Variants in PTPRB observed in about 807,000 individuals in gnomAD.
PTPRB encodes receptor-type tyrosine-protein phosphatase beta.
In PTPRB, 97 loss-of-function variants were observed where a neutral mutation model predicts 238.1. The ratio of observed to expected loss-of-function variants is 0.41; its 90% confidence interval spans 0.35 to 0.48. PTPRB has a LOEUF of 0.48. Ranked by LOEUF, PTPRB falls within the 20% of genes least tolerant of loss-of-function variation. PTPRB has a pLI of 0.30. For synonymous variants in PTPRB, 970 were observed against 995.4 expected, an observed-to-expected ratio of 0.97 and a Z score of 0.48; for missense variants, 2,292 against 2,681.9, an observed-to-expected ratio of 0.85 and a Z score of 3.21.
chr12:70,561,828 A>T (rs900700863), intron 16 of PTPRB, among the ~76,000 whole-genome samples: 6 of 152,028 alleles, frequency 3.9e-5, no homozygotes, highest in Admixed American at 6.5e-5. Flanking sequence ...CCCTTTGATG[A>T]TCTGTCCTTG....
At chr12:70,571,397 A>G in intron 12 of PTPRB, 108 bp from the exon 13 acceptor site, 1 of 1,093,452 alleles carries the variant, frequency 9.1e-7, no homozygotes. Context: ...CCCTTCCCCA[A>G]ATAAACCACT....
Position 70,516,860 on chromosome 12 carries a change from A to G in PTPRB, c.*4629T>C, listed in dbSNP as rs1871231774. On this transcript the variant is annotated 3_prime_UTR_variant, in exon 34 of 34. Transcript: ENST00000334414. ...TTACATAAGCCTCTATTTTCAGAGC[A>G]TTCACCAACAATTTCTTTATTTAAT... is the stretch of plus-strand genomic sequence containing the variant. The G allele has an allele frequency of 6.6e-6, 1 of 152,226 alleles. No individual in the cohort carries two copies. Among genetic ancestry groups the G allele is most frequent in the Non-Finnish European group, 1.5e-5 (1 of 68,044 alleles). The allele number at this position is 152,226 out of a possible 1,614,324, so 9.4% of individuals were successfully genotyped here.
chr12:70,577,710 T>G (rs997424699), intron 10 of PTPRB, among the ~76,000 whole-genome samples: 1 of 152,212 alleles, frequency 6.6e-6, no homozygotes, highest in African/African-American at 2.4e-5. Flanking sequence ...GTTCGGACTT[T>G]GTGAATTAAG....
intron 33 of PTPRB, among the ~76,000 whole-genome samples, chr12:70,522,847 CTTTTG>C (rs1324142068): frequency 7.3e-6 from 1 of 137,392 alleles, no homozygotes; most frequent in Admixed American, 7.2e-5. Flanking sequence ...AAATAGCATT[CTTTTG>C]TTTGTTTTTT....
rs1884937953 is a variant in PTPRB, at chr12:70,621,611, A to G, written c.708+779T>C. Among the ~76,000 whole-genome samples the G allele has an allele frequency of 3.9e-5, 6 of 152,242 alleles. No individual in the cohort carries two copies. In the South Asian group the frequency reaches 1.2e-3, roughly 32 times the overall value. ...GCTCACCAGCCAGGAACCATATGCA[A>G]TGTGAAATTCTGCACAATGCAAAAG... On this transcript the variant is annotated intron_variant, in intron 3 of 33. Transcript: ENST00000334414.
chr12:70,547,459 T>TGAG (rs970967310), intron 21 of PTPRB, among the ~76,000 whole-genome samples: 3 of 152,206 alleles, frequency 2.0e-5, no homozygotes, highest in African/African-American at 7.2e-5. Flanking sequence ...GTCTCTCTGA[T>TGAG]AAGAGTTTCT....
In PTPRB at chr12:70,609,358, C is replaced by T. The variant is rs1193088505; in HGVS notation, c.709-19G>A. On this transcript the variant is annotated intron_variant, in intron 3 of 33. Transcript: ENST00000334414. ...GTCCAGTCTGCAAAGGAATCAGACA[C>T]AACAGTTTAAGTCCACAGTCTGGAC... 1.2e-6 allele frequency: 2 copies of T among 1,610,812 alleles called. No individual in the cohort carries two copies. The highest frequency in any genetic ancestry group is 2.2e-5 in the East Asian group (1 of 44,846).
In PTPRB at chr12:70,571,273, C is replaced by A. The variant is rs1880020697; in HGVS notation, c.3123G>T (p.Lys1041Asn). ...TGCTCCTGTTGCGCAATGTTAGATC[C>A]TTAACAGGCTCTGGAACTAGGGAGA... ...GNGRTIPEPV[K>N]DLTLRNRSTE... Residue 1041 changes from lysine to asparagine, a missense_variant, in exon 13 of 34, where the codon AAG (lysine) becomes AAT (asparagine). Transcript: ENST00000334414. The A allele has an allele frequency of 6.2e-7, 1 of 1,603,042 alleles. No individual in the cohort carries two copies. Among genetic ancestry groups the A allele is most frequent in the African/African-American group, 1.3e-5 (1 of 74,642 alleles).
intron 29 of PTPRB, among the ~76,000 whole-genome samples, chr12:70,535,474 A>AAGAGG (rs1461892313): frequency 1.3e-5 from 2 of 152,056 alleles, no homozygotes; most frequent in Non-Finnish European, 2.9e-5. Flanking sequence ...AGACAAGGGG[A>AAGAGG]AGAGGAATGT....
At chr12:70,551,808 A>G (rs924667589) in intron 21 of PTPRB, among the ~76,000 whole-genome samples, 1 of 152,058 alleles carries the variant, frequency 6.6e-6, no homozygotes, top group Non-Finnish European at 1.5e-5. Flanking sequence ...GGGATGCTAT[A>G]TACTTCTGCT....
At chr12:70,569,602 G>T in intron 14 of PTPRB, 73 bp downstream of exon 14, 2 of 1,555,398 alleles carry the variant, frequency 1.3e-6, no homozygotes, top group Non-Finnish European at 1.8e-6. Context: ...GAATAGCTGA[G>T]CCCGTTCACT....
chr12:70,576,679 G>GCT, intron 10 of PTPRB, 34 bp from the exon 11 acceptor site: 1 of 221,762 alleles, frequency 4.5e-6, no homozygotes, highest in Non-Finnish European at 8.2e-6. Context: ...CGGGGGGGGG[G>GCT]GGGAAGGGGG....
intron 1 of PTPRB, among the ~76,000 whole-genome samples, chr12:70,637,051 T>G (rs1885733214): frequency 6.6e-6 from 1 of 152,202 alleles, no homozygotes; most frequent in Non-Finnish European, 1.5e-5. Context: ...GACTGTTATA[T>G]AATAATACAA....
intron 10 of PTPRB, among the ~76,000 whole-genome samples, chr12:70,578,686 A>AAGT (rs1392395738): frequency 1.3e-5 from 2 of 152,192 alleles, no homozygotes; most frequent in Non-Finnish European, 2.9e-5. Flanking sequence ...CACTTACTTA[A>AAGT]AGTACACAGT....
chr12:70,625,018 T>C (rs1885110440), intron 2 of PTPRB, among the ~76,000 whole-genome samples: 1 of 152,180 alleles, frequency 6.6e-6, no homozygotes, highest in Admixed American at 6.5e-5. Flanking sequence ...TGGAAAAAAT[T>C]TCAGTCTTAT....
At chr12:70,600,513 G>A (rs1565998901) in intron 4 of PTPRB, among the ~76,000 whole-genome samples, 1 of 152,190 alleles carries the variant, frequency 6.6e-6, no homozygotes, top group Non-Finnish European at 1.5e-5. Context: ...ATGTTGGTTT[G>A]CTACTGTAGC....
chr12:70,595,323 T>A (rs190109912), intron 5 of PTPRB, among the ~76,000 whole-genome samples: 2 of 151,998 alleles, frequency 1.3e-5, no homozygotes, highest in African/African-American at 4.8e-5. Context: ...AAGGAAGGGA[T>A]AGCATTAGGA....
At chr12:70,566,358 C>G in intron 15 of PTPRB, 77 bp downstream of exon 15, 7 of 1,500,124 alleles carry the variant, frequency 4.7e-6, no homozygotes, top group Non-Finnish European at 6.3e-6. Flanking sequence ...GTTGCTTCAT[C>G]CCTCTCACCC....
In PTPRB at chr12:70,576,556, C is replaced by T. The variant is rs1427524770; in HGVS notation, c.2668G>A (p.Asp890Asn). Reference sequence around the variant, plus strand: ...TGAGACAATGTTACCTCATAGTTATCCACATCTCCGGGCGCCAGCAGCCAG... The same window carrying T: ...TGAGACAATGTTACCTCATAGTTATTCACATCTCCGGGCGCCAGCAGCCAG... ...VSWLLAPGDV[D>N]NYEVTLSHDG... The change falls in exon 11 of 34, where the codon GAT (aspartate) becomes AAT (asparagine). Residue 890 changes from aspartate (D) to asparagine (N), a missense_variant. By Grantham distance (23) the Asp-to-Asn change is conservative. Transcript: ENST00000334414. The T allele has an allele frequency of 6.4e-7, 1 of 1,554,892 alleles. No homozygotes were observed. Among genetic ancestry groups the T allele is most frequent in the Non-Finnish European group, 8.7e-7 (1 of 1,148,608 alleles).
Sources: allele counts gnomAD v4.1 joint callset (sites outside exome capture counted in the v4.1 genomes callset), GRCh38; gene constraint gnomAD v4.1.1; transcripts MANE v1.5; gene names NCBI Gene and HGNC (gene_info 2026-07-23, HGNC 2026-07-21).